RFX4: variants seen among roughly 807,000 people sequenced by gnomAD.
RFX4 encodes regulatory factor X4, also known as transcription factor RFX4.
In RFX4, 10 loss-of-function variants were observed where a neutral mutation model predicts 95.0. The ratio of observed to expected loss-of-function variants is 0.11; its 90% CI spans 0.06 to 0.18. RFX4 has a LOEUF of 0.18. Ranked by LOEUF, RFX4 falls within the 10% of genes least tolerant of loss-of-function variation. The pLI is 1.00. For missense variants in RFX4, 640 were observed against 922.0 expected, an observed-to-expected ratio of 0.69 and a Z score of 3.96; for synonymous variants, 321 against 340.7, an observed-to-expected ratio of 0.94 and a Z score of 0.64.
chr12:106,751,481 C>T lies in RFX4; in HGVS notation c.1935+688C>T, dbSNP rs1283289945. Among the ~76,000 whole-genome samples the T allele has an allele frequency of 6.7e-4, 102 of 151,538 alleles. 1 individual carries two copies. The highest frequency in any genetic ancestry group is 2.2e-3 in the Admixed American group (34 of 15,162). ...ATGGGATGGCTGGGTCAAATGGTATCTCTAGTTCTAGATCCCTGAGGAATC... is the reference window on the plus strand; with the variant it reads ...ATGGGATGGCTGGGTCAAATGGTATTTCTAGTTCTAGATCCCTGAGGAATC... On this transcript the variant is annotated intron_variant, in intron 17 of 17. Coordinates refer to ENST00000392842, the MANE Select transcript of RFX4 (RefSeq NM_213594.3).
At chr12:106,622,095 T>A (rs1273007148) in intron 2 of RFX4, among the ~76,000 whole-genome samples, 1 of 152,194 alleles carries the variant, frequency 6.6e-6, no homozygotes, top group East Asian at 1.9e-4. Context: ...AGTGGCTTTC[T>A]AAGCTTATAC....
chr12:106,712,781 C>A (rs11829435), intron 10 of RFX4, among the ~76,000 whole-genome samples: 57 of 152,184 alleles, frequency 3.7e-4, no homozygotes, highest in African/African-American at 1.3e-3. Flanking sequence ...GAATATTGGC[C>A]TAACAAAGAA....
intron 15 of RFX4, among the ~76,000 whole-genome samples, chr12:106,734,398 C>A (rs1447547169): frequency 2.6e-5 from 4 of 151,856 alleles, no homozygotes; most frequent in Non-Finnish European, 5.9e-5. Context: ...GAGTTTGAGA[C>A]CAGCCTGGCC....
At position 106,601,250 on chromosome 12, in the gene RFX4, A is replaced by G. The variant is rs764397011; in HGVS notation, c.44-7547A>G. 4.5e-6 allele frequency: 7 copies of G among 1,568,018 alleles called. No individual in the cohort carries two copies. In the Admixed American group the frequency reaches 1.3e-4, roughly 29 times the overall value. Reference sequence around the variant, plus strand: ...CCACTGCCACCGGCAGGGAGCCAGGAGAGAGACAGAAAGGGGCTGAGACAG... The same window carrying G: ...CCACTGCCACCGGCAGGGAGCCAGGGGAGAGACAGAAAGGGGCTGAGACAG... On this transcript the variant is annotated intron_variant, in intron 1 of 17. Transcript: ENST00000392842.
At chr12:106,732,306 C>G in intron 14 of RFX4, 57 bp downstream of exon 14, 1 of 1,598,304 alleles carries the variant, frequency 6.3e-7, no homozygotes. Context: ...TGTATCCTTA[C>G]TTCTGTGCTT....
intron 1 of RFX4, chr12:106,601,341 C>G (rs1195041124): frequency 1.9e-6 from 3 of 1,581,854 alleles, no homozygotes; most frequent in South Asian, 2.3e-5. Flanking sequence ...CGGCGCCGTT[C>G]CACTGGTAAT....
At chr12:106,735,621 A>G (rs2042695826) in intron 15 of RFX4, among the ~76,000 whole-genome samples, 2 of 152,240 alleles carry the variant, frequency 1.3e-5, no homozygotes, top group Non-Finnish European at 1.5e-5. Context: ...TGAAGTGTAA[A>G]GAAAAAAACT....
chr12:106,682,372 C>T lies in RFX4; in HGVS notation c.377+318C>T, dbSNP rs138508135. On this transcript the variant is annotated intron_variant, in intron 5 of 17. Coordinates refer to ENST00000392842, the MANE Select transcript of RFX4 (RefSeq NM_213594.3). ...TGCCTTGTGGCCTCTTGGAGGATCACCAGGTTATCTGGACTGTTTTGCTGA... is the reference window on the plus strand; with the variant it reads ...TGCCTTGTGGCCTCTTGGAGGATCATCAGGTTATCTGGACTGTTTTGCTGA... 179 of 392,550 alleles carry T rather than the reference C, an allele frequency of 4.6e-4. 4 individuals are homozygous for T. The East Asian group carries it at 8.4e-3, about 18-fold the overall frequency. 24.3% of individuals were successfully genotyped at this position (392,550 alleles called of 1,614,324 possible).
chr12:106,671,085 A>G (rs1409352940), intron 4 of RFX4, among the ~76,000 whole-genome samples: 1 of 152,192 alleles, frequency 6.6e-6, no homozygotes, highest in Non-Finnish European at 1.5e-5. Flanking sequence ...ACCCACACCT[A>G]AAATGACCCC....
At chr12:106,656,379 A>G (rs1004087305) in intron 4 of RFX4, among the ~76,000 whole-genome samples, 1 of 152,216 alleles carries the variant, frequency 6.6e-6, no homozygotes, top group African/African-American at 2.4e-5. Flanking sequence ...AGAAAGTTCT[A>G]TCAGAGAGTC....
chr12:106,724,719 A>G (rs1022011022), intron 13 of RFX4, among the ~76,000 whole-genome samples: 8 of 152,072 alleles, frequency 5.3e-5, no homozygotes, highest in Non-Finnish European at 1.2e-4. Context: ...AACAACAAAA[A>G]ACTATTAAAG....
intron 15 of RFX4, among the ~76,000 whole-genome samples, chr12:106,742,544 G>C (rs1056392380): frequency 6.6e-6 from 1 of 152,136 alleles, no homozygotes; most frequent in African/African-American, 2.4e-5. Context: ...GTATGTTATA[G>C]AGCTTTGTTA....
At chr12:106,724,484 A>T (rs1353436075) in intron 13 of RFX4, among the ~76,000 whole-genome samples, 1 of 152,250 alleles carries the variant, frequency 6.6e-6, no homozygotes, top group African/African-American at 2.4e-5. Flanking sequence ...TAATATTTTT[A>T]AAATATCCAT....
intron 2 of RFX4, among the ~76,000 whole-genome samples, chr12:106,629,596 C>T (rs966901983): frequency 7.2e-5 from 11 of 152,146 alleles, no homozygotes; most frequent in African/African-American, 2.7e-4. Flanking sequence ...TGGCTCCTAC[C>T]TCAGCCTTCT....
rs115431225 is a variant in RFX4, at chr12:106,721,057, G to A, written c.1351+181G>A. Among the ~76,000 whole-genome samples, 300 of 152,270 alleles carry A rather than the reference G, an allele frequency of 2.0e-3. 3 individuals carry two copies. The highest frequency in any genetic ancestry group is 6.8e-3 in the African/African-American group (281 of 41,544). On this transcript the variant is annotated intron_variant, in intron 13 of 17. Coordinates refer to ENST00000392842, the MANE Select transcript of RFX4 (RefSeq NM_213594.3). ...GAGAGAGATGGCATTACATGCTAAA[G>A]GTGGAGTATCAATCTGAAAATGAGT...
intron 1 of RFX4, among the ~76,000 whole-genome samples, chr12:106,596,555 T>C (rs929744415): frequency 6.6e-6 from 1 of 152,210 alleles, no homozygotes; most frequent in Admixed American, 6.5e-5. Context: ...AACCAGTGAA[T>C]TGGAAGGATC....
intron 3 of RFX4, among the ~76,000 whole-genome samples, chr12:106,643,732 C>A (rs753935849): frequency 6.6e-6 from 1 of 151,768 alleles, no homozygotes; most frequent in South Asian, 2.1e-4. Flanking sequence ...TAAAAAAAAA[C>A]CCAGGATATA....
At chr12:106,725,453 A>G (rs1016858740) in intron 13 of RFX4, among the ~76,000 whole-genome samples, 4 of 152,242 alleles carry the variant, frequency 2.6e-5, no homozygotes, top group Non-Finnish European at 4.4e-5. Flanking sequence ...ATGTGTTTTA[A>G]AAAGTTAAAA....
At chr12:106,677,328 G>A (rs2041412300) in intron 4 of RFX4, among the ~76,000 whole-genome samples, 1 of 152,012 alleles carries the variant, frequency 6.6e-6, no homozygotes, top group Non-Finnish European at 1.5e-5. Flanking sequence ...TGTGGCCTTG[G>A]CATTCCAGGC....
Sources: gnomAD v4.1 joint callset for allele counts (sites outside exome capture counted in the v4.1 genomes callset) on GRCh38, gnomAD v4.1.1 for gene constraint, MANE v1.5 for transcripts, NCBI Gene and HGNC (gene_info 2026-07-23, HGNC 2026-07-21) for gene names.